Variants in DNM3 observed in about 807,000 individuals in gnomAD.
DNM3 encodes dynamin-3.
Under a neutral mutation model 101.6 loss-of-function variants are expected in DNM3, and 47 were observed. The observed-to-expected ratio is 0.46, with a 90% confidence interval of 0.37 to 0.59. DNM3 has a LOEUF of 0.59. Ranked by LOEUF, DNM3 falls within the 20% of genes least tolerant of loss-of-function variation. The pLI is 0.00. For missense variants in DNM3, 849 were observed against 1,085.7 expected (o/e 0.78, Z 3.06); for synonymous variants, 385 against 387.9 (o/e 0.99, Z 0.09).
At chr1:172,021,563 G>A (rs569784424) in intron 4 of DNM3, among the ~76,000 whole-genome samples, 1 of 152,228 alleles carries the variant, frequency 6.6e-6, no homozygotes, top group African/African-American at 2.4e-5. Flanking sequence ...AACATAAACT[G>A]TAATGTATGA....
At chr1:172,333,291 G>A (rs1186216328) in intron 17 of DNM3, among the ~76,000 whole-genome samples, 6 of 152,136 alleles carry the variant, frequency 3.9e-5, no homozygotes, top group African/African-American at 4.8e-5. Context: ...AGGTGGTGGC[G>A]GGGAGCAGTA....
At chr1:172,373,828 T>A (rs2068472949) in intron 17 of DNM3, among the ~76,000 whole-genome samples, 1 of 152,096 alleles carries the variant, frequency 6.6e-6, no homozygotes, top group Admixed American at 6.6e-5. Context: ...AGAATATAGA[T>A]CTTTGTCTAA....
At chr1:172,010,029 C>T (rs963714641) in intron 4 of DNM3, among the ~76,000 whole-genome samples, 6 of 151,786 alleles carry the variant, frequency 4.0e-5, no homozygotes, top group Non-Finnish European at 8.8e-5. Flanking sequence ...AACTTTCAAT[C>T]TCTGCCTTTT....
chr1:172,083,598 G>T lies in DNM3; in HGVS notation c.1493+1696G>T, dbSNP rs900396437. Among the ~76,000 whole-genome samples, 16 of 152,228 alleles carry T rather than the reference G, an allele frequency of 1.1e-4. No individual in the cohort carries two copies. The Middle Eastern group carries it at 0.01, about 97-fold the overall frequency. ...TGTTGTGGTACCACAATTAGAGGGG[G>T]AAAATGTAGAAAAAGTCATAATCCA... is the stretch of plus-strand genomic sequence containing the variant. On this transcript the variant is annotated intron_variant, in intron 12 of 20. Transcript: ENST00000627582.
chr1:172,124,801 A>G (rs2056529025), intron 13 of DNM3, among the ~76,000 whole-genome samples: 1 of 152,200 alleles, frequency 6.6e-6, no homozygotes, highest in Non-Finnish European at 1.5e-5. Flanking sequence ...GCATTGTGGT[A>G]TGTACAGACC....
intron 4 of DNM3, among the ~76,000 whole-genome samples, chr1:171,992,558 T>C (rs113110610): frequency 2.1e-4 from 32 of 152,238 alleles, no homozygotes; most frequent in African/African-American, 7.2e-4. Context: ...CACTTAGAAA[T>C]TGTCATGTAA....
chr1:171,930,923 T>C (rs1425695512), intron 2 of DNM3, among the ~76,000 whole-genome samples: 1 of 152,116 alleles, frequency 6.6e-6, no homozygotes, highest in Non-Finnish European at 1.5e-5. Context: ...AAGAAAATAA[T>C]TCAGTTTATA....
chr1:172,077,456 A>G (rs1244084609), intron 11 of DNM3, among the ~76,000 whole-genome samples: 1 of 152,224 alleles, frequency 6.6e-6, no homozygotes, highest in Non-Finnish European at 1.5e-5. Flanking sequence ...ATTTAGTGCT[A>G]TAAATTTCCC....
intron 14 of DNM3, among the ~76,000 whole-genome samples, chr1:172,186,961 C>T (rs1426797784): frequency 6.6e-6 from 1 of 152,058 alleles, no homozygotes; most frequent in Non-Finnish European, 1.5e-5. Context: ...CCAGGTTGTC[C>T]TCTCTGAGAA....
intron 17 of DNM3, among the ~76,000 whole-genome samples, chr1:172,334,188 G>A (rs993295013): frequency 1.3e-5 from 2 of 152,128 alleles, no homozygotes; most frequent in African/African-American, 4.8e-5. Flanking sequence ...TCATAAATAG[G>A]AGAGTGTACT....
intron 20 of DNM3, among the ~76,000 whole-genome samples, chr1:172,391,039 G>T (rs1360697990): frequency 6.6e-6 from 1 of 152,154 alleles, no homozygotes; most frequent in Non-Finnish European, 1.5e-5. Context: ...TTTCCAGCTC[G>T]CACGAACAAG....
intron 13 of DNM3, among the ~76,000 whole-genome samples, chr1:172,130,258 A>G (rs1426565788): frequency 6.6e-5 from 10 of 152,184 alleles, no homozygotes; most frequent in Admixed American, 6.5e-4. Context: ...ACCTTAGAAC[A>G]ATATCATCCA....
chr1:172,145,372 C>T (rs1572711235), intron 14 of DNM3, among the ~76,000 whole-genome samples: 1 of 150,122 alleles, frequency 6.7e-6, no homozygotes, highest in African/African-American at 2.5e-5. Context: ...CCCTCCCTCT[C>T]TCTCCCTCCC....
At position 172,152,250 on chromosome 1, in the gene DNM3, A is replaced by G. The variant is rs558657058; in HGVS notation, c.1659+20962A>G. 1.5e-4 allele frequency among the ~76,000 whole-genome samples: 22 copies of G among 150,678 alleles called. No homozygotes were observed. In the South Asian group the frequency reaches 4.6e-3, roughly 32 times the overall value. On this transcript the variant is annotated intron_variant, in intron 14 of 20. Coordinates refer to ENST00000627582, the MANE Select transcript of DNM3 (RefSeq NM_015569.5). The stretch of plus-strand genomic sequence containing the variant: ...TAGTGGTAAAGCCAGTTTGAAGATA[A>G]TGGACTTCCCTTCCTTTTTTTTTTT...
chr1:171,931,617 T>C (rs1293909149), intron 2 of DNM3, among the ~76,000 whole-genome samples: 1 of 152,232 alleles, frequency 6.6e-6, no homozygotes, highest in Non-Finnish European at 1.5e-5. Flanking sequence ...CTGAAATTTG[T>C]TTTCATGTAT....
intron 11 of DNM3, among the ~76,000 whole-genome samples, chr1:172,077,690 C>G (rs2052776547): frequency 6.6e-6 from 1 of 152,112 alleles, no homozygotes; most frequent in Non-Finnish European, 1.5e-5. Flanking sequence ...GTTATGATTT[C>G]TGTTCTTTTG....
In DNM3 at chr1:172,409,497, A is replaced by G. The variant is rs1466952521; in HGVS notation, c.*1656A>G. The G allele has an allele frequency of 1.0e-6, 1 of 984,136 alleles. No homozygotes were observed. Among genetic ancestry groups the G allele is most frequent in the Non-Finnish European group, 1.2e-6 (1 of 828,796 alleles). The allele number at this position is 984,136 out of a possible 1,614,324, so 61.0% of individuals were successfully genotyped here. The stretch of plus-strand genomic sequence containing the variant: ...GTAAAAATCAGAAAATACAAGATTT[A>G]CATAAAGGTCATTTCAACTTTTAAG... On this transcript the variant is annotated 3_prime_UTR_variant, in exon 21 of 21. Coordinates refer to ENST00000627582, the MANE Select transcript of DNM3 (RefSeq NM_015569.5).
intron 4 of DNM3, among the ~76,000 whole-genome samples, chr1:172,030,665 A>G (rs1051178282): frequency 9.2e-5 from 14 of 152,224 alleles, no homozygotes; most frequent in Non-Finnish European, 2.1e-4. Context: ...ACAAAGGGCT[A>G]ATATCCAGAA....
intron 13 of DNM3, among the ~76,000 whole-genome samples, chr1:172,104,296 C>G (rs1374357764): frequency 6.6e-6 from 1 of 151,756 alleles, no homozygotes; most frequent in Non-Finnish European, 1.5e-5. Flanking sequence ...TATTTTTTAT[C>G]TTATATTTTC....
Sources: gnomAD v4.1 joint callset for allele counts (sites outside exome capture counted in the v4.1 genomes callset) on GRCh38, gnomAD v4.1.1 for gene constraint, MANE v1.5 for transcripts, NCBI Gene and HGNC (gene_info 2026-07-23, HGNC 2026-07-21) for gene names.